Variants in GAB2 observed in about 807,000 individuals in gnomAD.
The protein encoded by GAB2 is GRB2-associated-binding protein 2.
Under a neutral mutation model 65.5 loss-of-function variants are expected in GAB2, and 26 were observed. The ratio of observed to expected loss-of-function variants is 0.40; its 90% confidence interval spans 0.29 to 0.55. The LOEUF (loss-of-function observed/expected upper bound fraction) is 0.55, where lower values mean the gene tolerates loss of function less well. Ranked by LOEUF, GAB2 falls within the 20% of genes least tolerant of loss-of-function variation. GAB2 has a pLI of 0.53. For missense variants in GAB2, 884 were observed against 875.8 expected, an observed-to-expected ratio of 1.01 and a Z score of -0.12; for synonymous variants, 321 against 329.6, an observed-to-expected ratio of 0.97 and a Z score of 0.28.
chr11:78,249,556 C>G (rs1220342207), intron 3 of GAB2, among the ~76,000 whole-genome samples: 1 of 152,168 alleles, frequency 6.6e-6, no homozygotes, highest in Non-Finnish European at 1.5e-5. Flanking sequence ...TATCCTAGAA[C>G]AGGGAGTCCT....
chr11:78,332,575 T>A (rs2134679083), intron 1 of GAB2, among the ~76,000 whole-genome samples: 1 of 152,292 alleles, frequency 6.6e-6, no homozygotes, highest in African/African-American at 2.4e-5. Flanking sequence ...ATCCTATGTT[T>A]AAGTGAATTT....
rs566851418 is a variant in GAB2 at position 78,294,274 on chromosome 11, C to T, written c.76-13373G>A. On this transcript the variant is annotated intron_variant, in intron 1 of 9. Coordinates refer to ENST00000361507, the MANE Select transcript of GAB2 (RefSeq NM_080491.3). ...CATTTTTTATGGCTGCATAGTATTC[C>T]ATGGTGTATATGTGCCACATTTTCT... 2.0e-5 allele frequency among the ~76,000 whole-genome samples: 3 copies of T among 152,288 alleles called. No homozygotes were observed. The South Asian group carries it at 6.2e-4, about 32-fold the overall frequency.
intron 1 of GAB2, among the ~76,000 whole-genome samples, chr11:78,339,923 C>T (rs770864602): frequency 1.2e-4 from 19 of 152,232 alleles, no homozygotes; most frequent in Non-Finnish European, 2.4e-4. Context: ...TGTGAACAAT[C>T]AGCTCCAATG....
rs1864183743 is a variant in GAB2 at position 78,217,074 on chromosome 11, C to G, written c.*2198G>C. On this transcript the variant is annotated 3_prime_UTR_variant, in exon 10 of 10. Coordinates refer to ENST00000361507, the MANE Select transcript of GAB2 (RefSeq NM_080491.3). ...CCCTGCCCTCCTCCTCTGTAAAAAT[C>G]TGACTCATCCCCTTCTAAGGCCTAC... 1 of 152,508 alleles carries G rather than the reference C, an allele frequency of 6.6e-6. No homozygotes were observed. 9.4% of individuals were successfully genotyped at this position (152,508 alleles called of 1,614,324 possible).
At chr11:78,294,936 A>G (rs922195363) in intron 1 of GAB2, among the ~76,000 whole-genome samples, 1 of 152,232 alleles carries the variant, frequency 6.6e-6, no homozygotes, top group Non-Finnish European at 1.5e-5. Flanking sequence ...AGAGACTACC[A>G]TCAGAGTGAA....
intron 1 of GAB2, among the ~76,000 whole-genome samples, chr11:78,414,136 A>T (rs1300137057): frequency 6.6e-6 from 1 of 151,890 alleles, no homozygotes; most frequent in African/African-American, 2.4e-5. Context: ...ATGCAGATAC[A>T]AGTAAATTTG....
chr11:78,387,901 A>C (rs1856788917), intron 1 of GAB2, among the ~76,000 whole-genome samples: 1 of 152,238 alleles, frequency 6.6e-6, no homozygotes. Flanking sequence ...CAATTTTCCT[A>C]AATACCCTGT....
intron 3 of GAB2, among the ~76,000 whole-genome samples, chr11:78,249,402 G>A (rs1865384952): frequency 6.6e-6 from 1 of 152,192 alleles, no homozygotes; most frequent in Non-Finnish European, 1.5e-5. Context: ...TGCTGGCTAT[G>A]GTAGCAACTG....
At chr11:78,414,011 C>A (rs1857161614) in intron 1 of GAB2, among the ~76,000 whole-genome samples, 1 of 151,140 alleles carries the variant, frequency 6.6e-6, no homozygotes, top group Admixed American at 6.6e-5. Context: ...TCGCTTGAAC[C>A]CAGGAGGCAA....
Position 78,250,265 on chromosome 11 carries a change from G to T in GAB2, c.512C>A (p.Thr171Lys). The T allele has an allele frequency of 6.2e-7, 1 of 1,613,694 alleles. No homozygotes were observed. The highest frequency in any genetic ancestry group is 8.5e-7 in the Non-Finnish European group (1 of 1,179,948). Reference sequence around the variant, plus strand: ...GTGGTTTGACACAGGGGGTTCAAACGTGAACAGAGTTGGCTGGCTGGAGTG... The same window carrying T: ...GTGGTTTGACACAGGGGGTTCAAACTTGAACAGAGTTGGCTGGCTGGAGTG... ...PSHSSQPTLF[T>K]FEPPVSNHMQ... Residue 171 changes from threonine to lysine, a missense_variant, in exon 3 of 10, where the codon ACG (threonine) becomes AAG (lysine). By Grantham distance (78) the Thr-to-Lys change is moderately conservative (BLOSUM62 -1). Transcript: ENST00000361507.
chr11:78,354,524 G>T (rs968622263), intron 1 of GAB2, among the ~76,000 whole-genome samples: 1 of 152,006 alleles, frequency 6.6e-6, no homozygotes, highest in Non-Finnish European at 1.5e-5. Flanking sequence ...TGGCATGAAC[G>T]ACAACAGGAC....
chr11:78,325,135 A>G (rs1302613909), intron 1 of GAB2, among the ~76,000 whole-genome samples: 1 of 152,190 alleles, frequency 6.6e-6, no homozygotes, highest in East Asian at 1.9e-4. Flanking sequence ...AGTAACTTTT[A>G]TCTTGTTTGT....
chr11:78,301,172 T>C (rs1415346871), intron 1 of GAB2, among the ~76,000 whole-genome samples: 4 of 152,154 alleles, frequency 2.6e-5, no homozygotes, highest in Non-Finnish European at 5.9e-5. Context: ...GATGCAGTTG[T>C]CAGACAGACA....
chr11:78,330,911 T>C (rs1458809966), intron 1 of GAB2, among the ~76,000 whole-genome samples: 2 of 151,948 alleles, frequency 1.3e-5, no homozygotes, highest in Admixed American at 6.5e-5. Context: ...CAATGGCTCA[T>C]GGCTGTAACC....
intron 1 of GAB2, among the ~76,000 whole-genome samples, chr11:78,390,414 C>A (rs150241422): frequency 1.3e-5 from 2 of 152,010 alleles, no homozygotes; most frequent in South Asian, 2.1e-4. Flanking sequence ...AGTGAGATCC[C>A]GTATCTACAA....
At chr11:78,231,336 G>GGTGTGT (rs58651538) in intron 3 of GAB2, among the ~76,000 whole-genome samples, 1,802 of 145,860 alleles carry the variant, frequency 0.012, 8 homozygotes, top group Middle Eastern at 0.038. Context: ...GCGCGTGTGT[G>GGTGTGT]GTGTGTGTGT....
chr11:78,239,874 A>C (rs1198338934), intron 3 of GAB2, among the ~76,000 whole-genome samples: 1 of 151,960 alleles, frequency 6.6e-6, no homozygotes, highest in Non-Finnish European at 1.5e-5. Flanking sequence ...TGGAATTGGA[A>C]CTATGGCTGG....
At chr11:78,307,509 G>A (rs1855388380) in intron 1 of GAB2, among the ~76,000 whole-genome samples, 1 of 151,742 alleles carries the variant, frequency 6.6e-6, no homozygotes, top group Non-Finnish European at 1.5e-5. Context: ...TGTAATCCCA[G>A]CACTTTGGGA....
At chr11:78,364,836 C>G (rs763995525) in intron 1 of GAB2, among the ~76,000 whole-genome samples, 1 of 152,058 alleles carries the variant, frequency 6.6e-6, no homozygotes, top group Non-Finnish European at 1.5e-5. Flanking sequence ...TCAGTAGATA[C>G]AGAGTGAGAT....
Sources: gnomAD v4.1 joint callset for allele counts (sites outside exome capture counted in the v4.1 genomes callset) on GRCh38, gnomAD v4.1.1 for gene constraint, MANE v1.5 for transcripts, NCBI Gene and HGNC (gene_info 2026-07-23, HGNC 2026-07-21) for gene names.